TRMT1L: variants seen among roughly 807,000 people sequenced by gnomAD.
TRMT1L encodes the protein tRNA (guanine(27)-N(2))-dimethyltransferase.
TRMT1L carries 28 observed loss-of-function variants against 81.6 expected under a neutral mutation model. The observed-to-expected ratio is 0.34, with a 90% confidence interval of 0.25 to 0.47. TRMT1L has a LOEUF of 0.47. Among genes scored for constraint, TRMT1L ranks in the 20% least tolerant of loss-of-function variants. TRMT1L has a pLI of 1.00. For missense variants in TRMT1L, 739 were observed against 877.1 expected (o/e 0.84, Z 1.99); for synonymous variants, 301 against 303.2 (o/e 0.99, Z 0.07).
chr1:185,126,841 AC>A (rs1311954930), intron 11 of TRMT1L, among the ~76,000 whole-genome samples: 1 of 152,212 alleles, frequency 6.6e-6, no homozygotes, highest in Non-Finnish European at 1.5e-5. Flanking sequence ...TATTAAAAAT[AC>A]AAAAATTAGC....
chr1:185,129,707 A>G (rs952670229), intron 10 of TRMT1L, among the ~76,000 whole-genome samples: 2 of 152,220 alleles, frequency 1.3e-5, no homozygotes, highest in Non-Finnish European at 2.9e-5. Context: ...GCTATTCAAT[A>G]CAATTATTGG....
At chr1:185,145,357 T>C (rs1159215971) in intron 5 of TRMT1L, 82 bp downstream of exon 5, 7 of 1,424,406 alleles carry the variant, frequency 4.9e-6, no homozygotes, top group Non-Finnish European at 6.7e-6. Context: ...CATTATTTTA[T>C]ATTCCTGATG....
chr1:185,143,315 T>C (rs1373709157), intron 7 of TRMT1L, 42 bp downstream of exon 7: 3 of 1,509,474 alleles, frequency 2.0e-6, no homozygotes, highest in Non-Finnish European at 2.7e-6. Context: ...ACTGTAAAAT[T>C]GAATAAATAA....
chr1:185,156,592 A>C lies in TRMT1L; in HGVS notation c.121T>G (p.Ser41Ala), dbSNP rs760056831. ...GGAGTCGGAGCCGAGTCCAGAGCCG[A>C]ATCCGGGGCCGGAGCTGGGACCCCA... is the stretch of plus-strand genomic sequence containing the variant. ...SAGVPAPAPD[S>A]ALDSAPTPAS... Residue 41 changes from serine (S) to alanine (A), a missense_variant, in exon 1 of 15, where the codon TCG becomes GCG. Coordinates refer to ENST00000367506, the MANE Select transcript of TRMT1L (RefSeq NM_030934.5). The C allele has an allele frequency of 1.3e-6, 2 of 1,598,286 alleles. No individual in the cohort carries two copies. The highest frequency in any genetic ancestry group is 2.2e-5 in the South Asian group (2 of 89,844).
chr1:185,148,997 T>C (rs535616173), intron 3 of TRMT1L, among the ~76,000 whole-genome samples: 11 of 152,202 alleles, frequency 7.2e-5, no homozygotes, highest in East Asian at 1.9e-4. Context: ...TATAAATGTA[T>C]ATATGTTTAA....
At chr1:185,133,618 G>A (rs1652826039) in intron 10 of TRMT1L, among the ~76,000 whole-genome samples, 1 of 145,328 alleles carries the variant, frequency 6.9e-6, no homozygotes, top group East Asian at 2.0e-4. Context: ...TTTTTTAAGA[G>A]ATGGCATCTT....
intron 12 of TRMT1L, 21 bp downstream of exon 12, chr1:185,124,923 A>T: frequency 1.3e-6 from 2 of 1,598,108 alleles, no homozygotes; most frequent in Middle Eastern, 1.7e-4. Flanking sequence ...AAAGCTAGTA[A>T]GCTAGCGTTC....
At chr1:185,143,262 ATT>A in intron 7 of TRMT1L, 93 bp downstream of exon 7, 1 of 1,177,434 alleles carries the variant, frequency 8.5e-7, no homozygotes, top group East Asian at 2.6e-5. Flanking sequence ...TGGATCTTTA[ATT>A]TTTTTACATC....
intron 3 of TRMT1L, among the ~76,000 whole-genome samples, chr1:185,149,304 C>CTT (rs369603781): frequency 3.6e-4 from 50 of 139,946 alleles, no homozygotes; most frequent in East Asian, 1.2e-3. Context: ...TTTACTTCCT[C>CTT]TTTTTTTTTT....
Position 185,137,617 on chromosome 1 carries a change from T to C in TRMT1L, c.1502A>G (p.Asn501Ser), listed in dbSNP as rs1379430696. The C allele has an allele frequency of 6.2e-7, 1 of 1,613,836 alleles. No homozygotes were observed. The highest frequency in any genetic ancestry group is 1.6e-4 in the Middle Eastern group (1 of 6,062). The stretch of plus-strand genomic sequence containing the variant: ...TAACTTGAATTTACCTTCTACCATA[T>C]TACCATCCTTCTGAAAAATTCTCTC... Reference protein sequence around the residue: ...CEERIFQKDGNMVEENPYRQL... With the variant: ...CEERIFQKDGSMVEENPYRQL... Residue 501 changes from asparagine to serine, a missense_variant, in exon 10 of 15, where the codon AAT becomes AGT. Asn to Ser is a conservative substitution (Grantham distance 46, BLOSUM62 1). Coordinates refer to ENST00000367506, the MANE Select transcript of TRMT1L (RefSeq NM_030934.5).
chr1:185,124,567 T>C (rs535683168), intron 12 of TRMT1L, among the ~76,000 whole-genome samples: 1 of 151,964 alleles, frequency 6.6e-6, no homozygotes, highest in Admixed American at 6.6e-5. Flanking sequence ...TGCATGCTTG[T>C]GGTCCCAGCT....
chr1:185,137,302 G>A, intron 10 of TRMT1L: 1 of 382,380 alleles, frequency 2.6e-6, no homozygotes, highest in South Asian at 2.8e-5. Flanking sequence ...ATTTGTAACA[G>A]CCTGGAAAAA....
Position 185,156,570 on chromosome 1 carries a change from G to A in TRMT1L, c.143C>T (p.Thr48Ile), listed in dbSNP as rs1290602644. ...APDSALDSAP[T>I]PASAPAPAPA... Reference sequence around the variant, plus strand: ...GGCTGGGGCTGGAGCCGAGGCCGGAGTCGGAGCCGAGTCCAGAGCCGAATC... The same window carrying A: ...GGCTGGGGCTGGAGCCGAGGCCGGAATCGGAGCCGAGTCCAGAGCCGAATC... Residue 48 changes from threonine (T) to isoleucine (I), a missense_variant, in exon 1 of 15, where the codon ACT becomes ATT. Coordinates refer to ENST00000367506, the MANE Select transcript of TRMT1L (RefSeq NM_030934.5). 1 of 1,598,880 alleles carries A rather than the reference G, an allele frequency of 6.3e-7. No individual in the cohort carries two copies. Among genetic ancestry groups the A allele is most frequent in the Non-Finnish European group, 8.5e-7 (1 of 1,173,262 alleles).
chr1:185,152,173 T>C (rs991846551), intron 1 of TRMT1L, among the ~76,000 whole-genome samples: 1 of 152,232 alleles, frequency 6.6e-6, no homozygotes, highest in Non-Finnish European at 1.5e-5. Context: ...AATAATTCTA[T>C]GAAAAATGTT....
intron 10 of TRMT1L, among the ~76,000 whole-genome samples, chr1:185,131,877 T>C (rs1050600975): frequency 5.9e-5 from 9 of 152,238 alleles, no homozygotes; most frequent in African/African-American, 2.2e-4. Flanking sequence ...GTGGTGGCTC[T>C]TGCCTGTAAT....
intron 13 of TRMT1L, chr1:185,121,019 CAA>C (rs761579413): frequency 6.6e-6 from 1 of 152,176 alleles, no homozygotes; most frequent in Non-Finnish European, 1.5e-5. Context: ...AAAAACAACA[CAA>C]AGTCTTGAGA....
intron 5 of TRMT1L, among the ~76,000 whole-genome samples, chr1:185,144,375 G>A (rs1653129915): frequency 6.6e-6 from 1 of 151,978 alleles, no homozygotes. Flanking sequence ...AAATACCTTT[G>A]TGGTTCATCA....
intron 1 of TRMT1L, among the ~76,000 whole-genome samples, chr1:185,155,443 A>C (rs761240653): frequency 6.6e-6 from 1 of 152,142 alleles, no homozygotes. Flanking sequence ...AAGCATTCTG[A>C]CTTTTGTCTT....
intron 9 of TRMT1L, 151 bp from the exon 10 acceptor site, chr1:185,137,947 C>T (rs947097942): frequency 1.4e-5 from 9 of 662,890 alleles, no homozygotes; most frequent in African/African-American, 5.5e-5. Flanking sequence ...TTTAAAAGAT[C>T]ATTACTGTAA....
Sources: gnomAD v4.1 joint callset for allele counts (sites outside exome capture counted in the v4.1 genomes callset) on GRCh38, gnomAD v4.1.1 for gene constraint, MANE v1.5 for transcripts, NCBI Gene and HGNC (gene_info 2026-07-23, HGNC 2026-07-21) for gene names.